SBNO2: variants seen among roughly 807,000 people sequenced by gnomAD.
SBNO2 encodes protein strawberry notch homolog 2.
Under a neutral mutation model 146.3 loss-of-function variants are expected in SBNO2, and 89 were observed. The observed-to-expected ratio is 0.61, with a 90% CI of 0.51 to 0.73. SBNO2 has a LOEUF of 0.73. Among genes scored for constraint, SBNO2 ranks in the 30% least tolerant of loss-of-function variants. The pLI is 0.00. For synonymous variants in SBNO2, 1,147 were observed against 892.6 expected (o/e 1.29, Z -5.08); for missense variants, 2,092 against 2,003.7 (o/e 1.04, Z -0.84).
chr19:1,168,869 C>T (rs1354177661), intron 1 of SBNO2: 2 of 152,240 alleles, frequency 1.3e-5, no homozygotes, highest in Non-Finnish European at 2.9e-5. Flanking sequence ...CACCGGCTCC[C>T]CCTCCCCACG....
chr19:1,170,010 A>AC (rs112839997), intron 1 of SBNO2, among the ~76,000 whole-genome samples: 2,145 of 151,824 alleles, frequency 0.014, 58 homozygotes, highest in African/African-American at 0.047. Context: ...CCACACGTCT[A>AC]CCCCCCATCT....
chr19:1,124,170 C>T (rs1179946031), intron 5 of SBNO2, 148 bp from the exon 6 acceptor site: 1 of 750,660 alleles, frequency 1.3e-6, no homozygotes, highest in Non-Finnish European at 2.3e-6. Context: ...TCTTGCTCTC[C>T]TGCTGTTCTC....
Position 1,109,704 on chromosome 19 carries a change from G to C in SBNO2, c.3102C>G (p.Asp1034Glu). ...TGACCTTGTAGAAGACCACCTGCCC[G>C]TCCTGCGGGTGCCCGGGAGCCAGGA... ...QVFLAPGHPQ[D>E]GQVVFYKISV... Residue 1034 changes from aspartate to glutamate, a missense_variant, in exon 27 of 32, where the codon GAC becomes GAG. Asp to Glu is a conservative substitution (Grantham distance 45, BLOSUM62 2). Transcript: ENST00000361757. This position sits in a 1 kb window ranked among gnomAD's most constrained non-coding sequence, Gnocchi z 4.2. 3 of 1,607,486 alleles carry C rather than the reference G, an allele frequency of 1.9e-6. No homozygotes were observed. Among genetic ancestry groups the C allele is most frequent in the Non-Finnish European group, 2.6e-6 (3 of 1,176,216 alleles).
intron 2 of SBNO2, among the ~76,000 whole-genome samples, chr19:1,151,136 G>T (rs1279030408): frequency 6.6e-6 from 1 of 152,214 alleles, no homozygotes; most frequent in Non-Finnish European, 1.5e-5. Flanking sequence ...AGAGAAACAG[G>T]AACTTCCCAA....
At chr19:1,119,320 G>A (rs554202949) in intron 13 of SBNO2, among the ~76,000 whole-genome samples, 156 bp from the exon 14 acceptor site, 11 of 152,300 alleles carry the variant, frequency 7.2e-5, no homozygotes, top group East Asian at 3.9e-4. Context: ...TGGCGGGGAC[G>A]GGGCAGGAAG....
At chr19:1,114,494 A>G in intron 17 of SBNO2, 72 bp from the exon 18 acceptor site, 2 of 1,312,020 alleles carry the variant, frequency 1.5e-6, no homozygotes, top group South Asian at 3.0e-5. Context: ...GAGACGCAGC[A>G]GGACAGAGCA....
At position 1,158,160 on chromosome 19, in the gene SBNO2, G is replaced by C. The variant is rs187649912; in HGVS notation, c.-126-3758C>G. On this transcript the variant is annotated intron_variant, in intron 1 of 31. Coordinates refer to ENST00000361757, the MANE Select transcript of SBNO2 (RefSeq NM_014963.3). The surrounding 1 kb of genome is among the most constrained non-coding windows in gnomAD (Gnocchi z 9.9). ...CCCCACGCTGTGCAGCAACAGCTCAGCCTCCTGATGTTCAGAACTGGCCAC... is the reference window on the plus strand; with the variant it reads ...CCCCACGCTGTGCAGCAACAGCTCACCCTCCTGATGTTCAGAACTGGCCAC... Among the ~76,000 whole-genome samples, 1 of 152,282 alleles carries C rather than the reference G, an allele frequency of 6.6e-6. No homozygotes were observed. Among genetic ancestry groups the C allele is most frequent in the East Asian group, 1.9e-4 (1 of 5,184 alleles).
intron 1 of SBNO2, among the ~76,000 whole-genome samples, chr19:1,172,420 G>A (rs73509355): frequency 0.017 from 2,663 of 152,304 alleles, 71 homozygotes; most frequent in African/African-American, 0.06. Flanking sequence ...ATCTGGGGCC[G>A]GGCAGCCAGA....
intron 1 of SBNO2, among the ~76,000 whole-genome samples, chr19:1,166,317 A>T (rs368237510): frequency 8.2e-4 from 125 of 152,306 alleles, no homozygotes; most frequent in African/African-American, 3.0e-3. Context: ...ATGCGGAAAC[A>T]GCCTCCAGGC....
intron 1 of SBNO2, among the ~76,000 whole-genome samples, chr19:1,159,520 G>A: frequency 1.3e-5 from 1 of 77,288 alleles, no homozygotes; most frequent in Middle Eastern, 4.2e-3. Flanking sequence ...GCAGGGGACA[G>A]TTGGGGACAG....
chr19:1,114,760 G>C (rs1413673601), intron 17 of SBNO2, among the ~76,000 whole-genome samples: 1 of 151,984 alleles, frequency 6.6e-6, no homozygotes, highest in Non-Finnish European at 1.5e-5. Flanking sequence ...TCAGCCTCCT[G>C]AGTAGGTGGG....
rs567381388 is a variant in SBNO2 at position 1,140,547 on chromosome 19, C to G, written c.279+6762G>C. On this transcript the variant is annotated intron_variant, in intron 4 of 31. Coordinates refer to ENST00000361757, the MANE Select transcript of SBNO2 (RefSeq NM_014963.3). This position sits in a 1 kb window ranked among gnomAD's most constrained non-coding sequence, Gnocchi z 4.4. ...CACACACGTGACACCGCGGGAGCCC[C>G]GCAGCCCACGGTGGATGCCAGCAGC... Among the ~76,000 whole-genome samples, 3 of 152,034 alleles carry G rather than the reference C, an allele frequency of 2.0e-5. No homozygotes were observed. The highest frequency in any genetic ancestry group is 7.2e-5 in the African/African-American group (3 of 41,392).
In SBNO2 at chr19:1,150,434, C is replaced by T. The variant is rs1485218723; in HGVS notation, c.94-992G>A. On this transcript the variant is annotated intron_variant, in intron 2 of 31. Transcript: ENST00000361757. This position sits in a 1 kb window ranked among gnomAD's most constrained non-coding sequence, Gnocchi z 6.2. Reference sequence around the variant, plus strand: ...CTCACCTGCAGCAGAGAGACCCTGCCGTCACAGACGCCCCCACAGTCACGG... The same window carrying T: ...CTCACCTGCAGCAGAGAGACCCTGCTGTCACAGACGCCCCCACAGTCACGG... Among the ~76,000 whole-genome samples the T allele has an allele frequency of 6.6e-6, 1 of 151,958 alleles. No individual in the cohort carries two copies. The highest frequency in any genetic ancestry group is 1.5e-5 in the Non-Finnish European group (1 of 67,956).
intron 4 of SBNO2, 91 bp from the exon 5 acceptor site, chr19:1,127,856 G>C: frequency 8.3e-7 from 1 of 1,209,998 alleles, no homozygotes; most frequent in Non-Finnish European, 1.2e-6. Context: ...GAGACACCAC[G>C]GCCCTCCACA....
chr19:1,166,482 C>T (rs1181478907), intron 1 of SBNO2, among the ~76,000 whole-genome samples: 2 of 152,214 alleles, frequency 1.3e-5, no homozygotes, highest in South Asian at 2.1e-4. Flanking sequence ...GGAGCCCGCT[C>T]GGGTCTTGTG....
chr19:1,147,276 C>T (rs748608420), intron 4 of SBNO2, 33 bp downstream of exon 4: 2 of 1,436,320 alleles, frequency 1.4e-6, no homozygotes, highest in South Asian at 1.2e-5. Flanking sequence ...CCACCCTGCC[C>T]CCCACGGCGC....
rs2079872343 is a variant in SBNO2, at chr19:1,119,418, G to C, written c.1373+98C>G. ...CCACATTCAGCACCTCTGGGTGCTGGGGAAGCACACGTGGCAGTGCCAGGC... is the reference window on the plus strand; with the variant it reads ...CCACATTCAGCACCTCTGGGTGCTGCGGAAGCACACGTGGCAGTGCCAGGC... On this transcript the variant is annotated intron_variant, in intron 13 of 31. Transcript: ENST00000361757. 3 of 1,013,356 alleles carry C rather than the reference G, an allele frequency of 3.0e-6. No individual in the cohort carries two copies. The Admixed American group carries it at 7.1e-5, about 24-fold the overall frequency. The allele number at this position is 1,013,356 out of a possible 1,614,324, so 62.8% of individuals were successfully genotyped here.
At chr19:1,145,490 AAAG>A in intron 4 of SBNO2, among the ~76,000 whole-genome samples, 1 of 147,184 alleles carries the variant, frequency 6.8e-6, no homozygotes, top group African/African-American at 2.7e-5. Context: ...AAAAAAAAAG[AAAG>A]AAAGAAAGGA....
At position 1,113,553 on chromosome 19, in the gene SBNO2, G is replaced by A; in HGVS notation, c.2229C>T (p.Gly743=). The A allele has an allele frequency of 6.3e-7, 1 of 1,598,880 alleles. No homozygotes were observed. Among genetic ancestry groups the A allele is most frequent in the South Asian group, 1.1e-5 (1 of 89,974 alleles). The change falls in exon 19 of 32, where the codon GGC becomes GGT. Residue 743 remains glycine, a synonymous_variant. Transcript: ENST00000361757. The part of the protein sequence containing the change: ...TLDELIDQLG[G]PQRVAEMTGR... Reference sequence around the variant, plus strand: ...CACCCACCTCCGCCACCCGCTGGGGGCCGCCCAGCTGGTCGATGAGCTCGT... The same window carrying A: ...CACCCACCTCCGCCACCCGCTGGGGACCGCCCAGCTGGTCGATGAGCTCGT...
Sources: gnomAD v4.1 joint callset for allele counts (sites outside exome capture counted in the v4.1 genomes callset) on GRCh38, gnomAD v4.1.1 for gene constraint, Gnocchi (gnomAD v3.1) non-coding constraint, MANE v1.5 for transcripts, NCBI Gene and HGNC (gene_info 2026-07-23, HGNC 2026-07-21) for gene names.